The following PLCXD1 variants were observed in gnomAD, a reference collection of about 807,000 sequenced individuals.
PLCXD1 encodes PI-PLC X domain-containing protein 1.
Under a neutral mutation model 37.8 loss-of-function variants are expected in PLCXD1, and 45 were observed. The ratio of observed to expected loss-of-function variants is 1.19; its 90% confidence interval spans 0.94 to 1.53. The LOEUF is 1.53. Ranked by LOEUF, PLCXD1 falls within the 40% of genes most tolerant of loss-of-function variation. The pLI, the probability that PLCXD1 is intolerant of heterozygous loss-of-function variation, is 0.00. For synonymous variants in PLCXD1, 246 were observed against 206.9 expected (o/e 1.19, Z -1.62); for missense variants, 539 against 454.7 (o/e 1.19, Z -1.69).
At chrX:295,567 C>T (rs1173537788) in intron 6 of PLCXD1, among the ~76,000 whole-genome samples, 1 of 151,782 alleles carries the variant, frequency 6.6e-6, no homozygotes, top group South Asian at 2.1e-4. Context: ...TCTTGTTGCC[C>T]CGGTCGGAGT....
chrX:288,282 C>T (rs1294628209), intron 2 of PLCXD1, among the ~76,000 whole-genome samples: 1 of 151,378 alleles, frequency 6.6e-6, no homozygotes, highest in Non-Finnish European at 1.5e-5. Flanking sequence ...CCACTCAAGT[C>T]ATTGAAATTG....
chrX:290,589 C>T, intron 3 of PLCXD1, 59 bp from the exon 4 acceptor site: 1 of 1,599,644 alleles, frequency 6.3e-7, no homozygotes. Flanking sequence ...CAGCCCATTC[C>T]TGAGCCCCCC....
At chrX:278,855 A>G (rs1342006368), upstream of PLCXD1, among the ~76,000 whole-genome samples, 4 of 152,052 alleles carry the variant, frequency 2.6e-5, no homozygotes, top group Admixed American at 1.3e-4. Flanking sequence ...GGTATTATGC[A>G]TTTTAAGGAA....
At chrX:284,360 C>T (rs373267491) in intron 2 of PLCXD1, 46 bp downstream of exon 2, 18 of 1,606,812 alleles carry the variant, frequency 1.1e-5, no homozygotes, top group Middle Eastern at 2.2e-4. Flanking sequence ...TCCCAGGTGA[C>T]GGCAGGGTGG....
In PLCXD1 at chrX:290,768, C is replaced by G; in HGVS notation, c.385C>G (p.Leu129Val). Residue 129 changes from leucine (L) to valine (V), a missense_variant, in exon 4 of 7, where the codon CTG becomes GTG. By Grantham distance (32) the Leu-to-Val change is conservative (BLOSUM62 1). Coordinates refer to ENST00000381657, the MANE Select transcript of PLCXD1 (RefSeq NM_018390.4). ...HFVHMVYTTA[L>V]VEDTLTEISE... Reference sequence around the variant, plus strand: ...TGTCCATATGGTGTACACAACGGCGCTGGTGGAGGTGCGGCCGGGCTGAGG... The same window carrying G: ...TGTCCATATGGTGTACACAACGGCGGTGGTGGAGGTGCGGCCGGGCTGAGG... 1 of 1,613,380 alleles carries G rather than the reference C, an allele frequency of 6.2e-7. No homozygotes were observed. The highest frequency in any genetic ancestry group is 8.5e-7 in the Non-Finnish European group (1 of 1,179,620).
At position 299,341 on chromosome X, in the gene PLCXD1, C is replaced by T; in HGVS notation, c.*6C>T. ...AGAAGCTGCTGTGGTGCTGACGGGA[C>T]CCTTCTGAAGTTCGGGACGCGGCGG... On this transcript the variant is annotated 3_prime_UTR_variant, in exon 7 of 7. Coordinates refer to ENST00000381657, the MANE Select transcript of PLCXD1 (RefSeq NM_018390.4). 1 of 1,602,486 alleles carries T rather than the reference C, an allele frequency of 6.2e-7. No homozygotes were observed. The highest frequency in any genetic ancestry group is 1.7e-5 in the Admixed American group (1 of 59,976).
In PLCXD1 at chrX:289,735, A is replaced by T. The variant is rs28438037; in HGVS notation, c.264+866A>T. ...ACTGTGTTAGCCAGGATGGTCTCGA[A>T]CTCCTGACCTCGTGATCCACCCGCC... On this transcript the variant is annotated intron_variant, in intron 3 of 6. Coordinates refer to ENST00000381657, the MANE Select transcript of PLCXD1 (RefSeq NM_018390.4). 4.2e-5 allele frequency among the ~76,000 whole-genome samples: 6 copies of T among 143,020 alleles called. No individual in the cohort carries two copies. The South Asian group carries it at 6.8e-4, about 16-fold the overall frequency. The allele number at this position is 143,020 out of a possible 152,430, so 93.8% of individuals were successfully genotyped here. A position where few individuals can be genotyped will look rare whatever the true frequency, so the allele number is the denominator to read the frequency against.
intron 1 of PLCXD1, among the ~76,000 whole-genome samples, chrX:282,961 T>C (rs2069320170): frequency 6.8e-6 from 1 of 146,308 alleles, no homozygotes; most frequent in Non-Finnish European, 1.5e-5. Flanking sequence ...ATATATTATA[T>C]ATGTATATAT....
At chrX:286,508 G>A (rs191309119) in intron 2 of PLCXD1, among the ~76,000 whole-genome samples, 38 of 152,170 alleles carry the variant, frequency 2.5e-4, no homozygotes, top group African/African-American at 7.2e-4. Context: ...TTCTTTGGCC[G>A]GGAGCTTCGG....
intron 6 of PLCXD1, 113 bp from the exon 7 acceptor site, chrX:298,984 T>C: frequency 1.2e-6 from 1 of 820,952 alleles, no homozygotes. Context: ...TTGGACATGG[T>C]GCTTTCAACT....
At chrX:292,166 G>A (rs1044118630) in intron 5 of PLCXD1, among the ~76,000 whole-genome samples, 9 of 149,904 alleles carry the variant, frequency 6.0e-5, no homozygotes, top group Non-Finnish European at 1.3e-4. Flanking sequence ...TGGGTGTGGC[G>A]GTGGGTGTGC....
chrX:299,123 C>T lies in PLCXD1; in HGVS notation c.760C>T (p.Leu254Phe). The change falls in exon 7 of 7, where the codon CTC (leucine) becomes TTC (phenylalanine). Residue 254 changes from leucine (L) to phenylalanine (F), a missense_variant. By Grantham distance (22) the Leu-to-Phe change is conservative. Transcript: ENST00000381657. Reference sequence around the variant, plus strand: ...AGGGTTGTTCGTGGCCGGCATCAACCTCACGGAGAACCTGCAGTACGTTCT... The same window carrying T: ...AGGGTTGTTCGTGGCCGGCATCAACTTCACGGAGAACCTGCAGTACGTTCT... ...PGGLFVAGIN[L>F]TENLQYVLAH... 2 of 1,613,892 alleles carry T rather than the reference C, an allele frequency of 1.2e-6. No homozygotes were observed. Among genetic ancestry groups the T allele is most frequent in the Non-Finnish European group, 1.7e-6 (2 of 1,179,808 alleles).
At chrX:291,271 A>G (rs1435896564) in intron 4 of PLCXD1, among the ~76,000 whole-genome samples, 8 of 151,050 alleles carry the variant, frequency 5.3e-5, no homozygotes, top group Non-Finnish European at 8.8e-5. Context: ...TCAGCCTTCC[A>G]AGTAGCTGGG....
intron 1 of PLCXD1, among the ~76,000 whole-genome samples, chrX:282,198 C>T (rs1007591337): frequency 1.3e-5 from 2 of 152,108 alleles, no homozygotes; most frequent in African/African-American, 4.8e-5. Flanking sequence ...TTAATCTAAT[C>T]AGTTTTAATC....
rs776525518 is a variant in PLCXD1, at chrX:299,216, C to T, written c.853C>T (p.Arg285Ter). 1.7e-5 allele frequency: 27 copies of T among 1,613,744 alleles called. No homozygotes were observed. Among genetic ancestry groups the T allele is most frequent in the Admixed American group, 1.2e-4 (7 of 59,970 alleles). The stretch of plus-strand genomic sequence containing the variant: ...CCTTCCGCGGCTGAGCGCGTGGGTC[C>T]GAGAGCAGTGCCCGGGGCCGGGTTC... ...PNLPRLSAWV[R>*]EQCPGPGSRC... The change falls in exon 7 of 7, where the codon CGA becomes TGA. Residue 285 changes from arginine (R) to a stop codon, truncating the protein, a stop_gained. Coordinates refer to ENST00000381657, the MANE Select transcript of PLCXD1 (RefSeq NM_018390.4). LOFTEE classifies it high-confidence loss of function.
rs1279861519 is a variant in PLCXD1 at position 299,733 on chromosome X, A to T, written c.*398A>T. 1 of 233,368 alleles carries T rather than the reference A, an allele frequency of 4.3e-6. No homozygotes were observed. The highest frequency in any genetic ancestry group is 5.7e-5 in the Admixed American group (1 of 17,496). 14.5% of individuals were successfully genotyped at this position (233,368 alleles called of 1,614,324 possible). A position where few individuals can be genotyped will look rare whatever the true frequency, so the allele number is the denominator to read the frequency against. On this transcript the variant is annotated 3_prime_UTR_variant, in exon 7 of 7. Coordinates refer to ENST00000381657, the MANE Select transcript of PLCXD1 (RefSeq NM_018390.4). ...CATCGTGCCACTGCACTCCAGTCTGAATGATAGACCGAGACTCCATCTCAA... is the reference window on the plus strand; with the variant it reads ...CATCGTGCCACTGCACTCCAGTCTGTATGATAGACCGAGACTCCATCTCAA...
At position 288,882 on chromosome X, in the gene PLCXD1, C is replaced by G; in HGVS notation, c.264+13C>G. ...GTCCGTCACCCAGGTACGGTCTGTG[C>G]CCCGTGCTGCTGACCTGGCCTGTCA... On this transcript the variant is annotated intron_variant, in intron 3 of 6. Coordinates refer to ENST00000381657, the MANE Select transcript of PLCXD1 (RefSeq NM_018390.4). The G allele has an allele frequency of 6.2e-7, 1 of 1,611,004 alleles. No individual in the cohort carries two copies. The highest frequency in any genetic ancestry group is 8.5e-7 in the Non-Finnish European group (1 of 1,178,732).
Position 302,362 on chromosome X carries a change from G to C in PLCXD1, c.*3027G>C, listed in dbSNP as rs1245226603. On this transcript the variant is annotated 3_prime_UTR_variant, in exon 7 of 7. Transcript: ENST00000381657. ...TTCTTTCTGCCTCTGAAGCGTGAAC[G>C]GTCCTAGTTTCAGACGCAGATCCTG... 6.6e-6 allele frequency: 1 copy of C among 152,060 alleles called. No individual in the cohort carries two copies. The highest frequency in any genetic ancestry group is 1.5e-5 in the Non-Finnish European group (1 of 68,024). 9.4% of individuals were successfully genotyped at this position (152,060 alleles called of 1,614,324 possible). A position where few individuals can be genotyped will look rare whatever the true frequency, so the allele number is the denominator to read the frequency against.
chrX:293,147 G>C lies in PLCXD1; in HGVS notation c.662G>C (p.Trp221Ser), dbSNP rs775117614. ...GAGCTGTGGCCAGGAGTCCCCTACT[G>C]GTGGGGAAACAGGGTGAAGACCGAG... ...HHELWPGVPY[W>S]WGNRVKTEAL... Residue 221 changes from tryptophan (W) to serine (S), a missense_variant, in exon 6 of 7, where the codon TGG (tryptophan) becomes TCG (serine). Transcript: ENST00000381657. 16 of 1,612,756 alleles carry C rather than the reference G, an allele frequency of 9.9e-6. No homozygotes were observed. The highest frequency in any genetic ancestry group is 8.3e-5 in the Admixed American group (5 of 60,010).
Sources: gnomAD v4.1 joint callset for allele counts (sites outside exome capture counted in the v4.1 genomes callset) on GRCh38, gnomAD v4.1.1 for gene constraint, MANE v1.5 for transcripts, NCBI Gene and HGNC (gene_info 2026-07-23, HGNC 2026-07-21) for gene names.